The following RIPOR2 variants were observed in gnomAD, a reference collection of about 807,000 sequenced individuals.
RIPOR2 encodes rho family-interacting cell polarization regulator 2.
Under a neutral mutation model 114.5 loss-of-function variants are expected in RIPOR2, and 39 were observed. The ratio of observed to expected loss-of-function variants is 0.34; its 90% CI spans 0.26 to 0.44. The LOEUF is 0.44. Among genes scored for constraint, RIPOR2 ranks in the 20% least tolerant of loss-of-function variants. The pLI, the probability that RIPOR2 is intolerant of heterozygous loss-of-function variation, is 1.00. For synonymous variants in RIPOR2, 445 were observed against 484.4 expected (o/e 0.92, Z 1.07); for missense variants, 1,007 against 1,255.1 (o/e 0.80, Z 2.99).
intron 1 of RIPOR2, chr6:24,877,463 AG>A (rs1765913861): frequency 6.5e-6 from 3 of 458,700 alleles, no homozygotes. Flanking sequence ...CTTACATTTT[AG>A]GGCATTCTCC....
rs1762462189 is a variant in RIPOR2, at chr6:24,847,743, A to G, written c.1164+282T>C. ...AGTTAGTGGGAAGAATCAGGTTACT[A>G]CATTTTGTTAGCTTTTTAGCAAGCA... On this transcript the variant is annotated intron_variant, in intron 12 of 21. Transcript: ENST00000643898. 5 of 1,500,066 alleles carry G rather than the reference A, an allele frequency of 3.3e-6. No homozygotes were observed. In the Admixed American group the frequency reaches 1.1e-4, roughly 33 times the overall value. 92.9% of individuals were successfully genotyped at this position (1,500,066 alleles called of 1,614,324 possible). A position where few individuals can be genotyped will look rare whatever the true frequency, so the allele number is the denominator to read the frequency against.
Position 24,805,344 on chromosome 6 carries a change from T to C in RIPOR2, c.*1029A>G, listed in dbSNP as rs372864182. 3.9e-5 allele frequency: 6 copies of C among 151,904 alleles called. No individual in the cohort carries two copies. Among genetic ancestry groups the C allele is most frequent in the African/African-American group, 1.5e-4 (6 of 41,358 alleles). 9.4% of individuals were successfully genotyped at this position (151,904 alleles called of 1,614,324 possible). ...CATTTTTCCATAATGGAAACATGATTTGGGAATTTTCAGGATGGGGAAAAG... is the reference window on the plus strand; with the variant it reads ...CATTTTTCCATAATGGAAACATGATCTGGGAATTTTCAGGATGGGGAAAAG... On this transcript the variant is annotated 3_prime_UTR_variant, in exon 22 of 22. Transcript: ENST00000643898.
chr6:24,943,036 G>A (rs1297241448), intron 1 of RIPOR2, among the ~76,000 whole-genome samples: 1 of 152,140 alleles, frequency 6.6e-6, no homozygotes, highest in Non-Finnish European at 1.5e-5. Context: ...AAAGACACAT[G>A]CACACATATG....
chr6:24,915,622 C>G (rs1475887190), intron 1 of RIPOR2, among the ~76,000 whole-genome samples: 2 of 152,206 alleles, frequency 1.3e-5, no homozygotes, highest in Admixed American at 6.5e-5. Flanking sequence ...CTCGGCCTCC[C>G]GAAGTGCTAG....
chr6:25,035,779 G>T (rs1346016639), intron 1 of RIPOR2, among the ~76,000 whole-genome samples: 9 of 152,162 alleles, frequency 5.9e-5, no homozygotes, highest in Admixed American at 5.9e-4. Context: ...CTGCAGAGTG[G>T]GTAGCCTTGT....
At chr6:24,905,357 C>G (rs1768872479) in intron 1 of RIPOR2, among the ~76,000 whole-genome samples, 1 of 151,808 alleles carries the variant, frequency 6.6e-6, no homozygotes, top group African/African-American at 2.4e-5. Context: ...TTTTTCTAAG[C>G]TCCACTTATT....
Position 24,870,854 on chromosome 6 carries a change from A to T in RIPOR2, c.447+12T>A. The T allele has an allele frequency of 6.2e-7, 1 of 1,602,782 alleles. No homozygotes were observed. The highest frequency in any genetic ancestry group is 8.5e-7 in the Non-Finnish European group (1 of 1,173,288). On this transcript the variant is annotated intron_variant, in intron 5 of 21. Coordinates refer to ENST00000643898, the MANE Select transcript of RIPOR2 (RefSeq NM_001286445.3). ...TTTCTTATTAGCACCCCAACACGGA[A>T]TGGCAACTTACCTTGTCTAGGTCAT... is the stretch of plus-strand genomic sequence containing the variant.
At chr6:24,870,786 T>C in intron 5 of RIPOR2, 80 bp downstream of exon 5, 1 of 1,025,800 alleles carries the variant, frequency 9.7e-7, no homozygotes, top group East Asian at 2.5e-5. Flanking sequence ...AGTGCTGGGA[T>C]GACAGGCGTG....
At chr6:25,020,952 G>A (rs1395921000) in intron 1 of RIPOR2, among the ~76,000 whole-genome samples, 2 of 152,062 alleles carry the variant, frequency 1.3e-5, no homozygotes, top group Non-Finnish European at 2.9e-5. Context: ...CGTCTTCTGG[G>A]TTCAAATGAT....
intron 8 of RIPOR2, among the ~76,000 whole-genome samples, chr6:24,854,594 C>T (rs1158414163): frequency 6.6e-6 from 1 of 152,146 alleles, no homozygotes; most frequent in Non-Finnish European, 1.5e-5. Flanking sequence ...CAAAGCAAAG[C>T]ACTTTACATT....
chr6:25,014,508 A>G (rs942621867), intron 1 of RIPOR2, among the ~76,000 whole-genome samples: 2 of 152,238 alleles, frequency 1.3e-5, no homozygotes, highest in Non-Finnish European at 2.9e-5. Flanking sequence ...AAGATTGCAC[A>G]TGATTCTGGA....
intron 1 of RIPOR2, among the ~76,000 whole-genome samples, chr6:24,935,555 G>A (rs1771746591): frequency 6.6e-6 from 1 of 152,014 alleles, no homozygotes; most frequent in Non-Finnish European, 1.5e-5. Context: ...GAGAGACAAG[G>A]CAAAAAATTT....
chr6:24,831,923 G>T (rs1293800586), intron 16 of RIPOR2, among the ~76,000 whole-genome samples: 1 of 152,134 alleles, frequency 6.6e-6, no homozygotes. Context: ...CACCTCCAGG[G>T]TGCAAGAGCA....
chr6:24,825,623 A>G (rs1295095589), intron 18 of RIPOR2, among the ~76,000 whole-genome samples, 195 bp from the exon 19 acceptor site: 2 of 152,258 alleles, frequency 1.3e-5, no homozygotes, highest in African/African-American at 2.4e-5. Context: ...ACTACATTAT[A>G]GTGATGGGCA....
At chr6:24,865,184 C>T (rs953738972) in intron 7 of RIPOR2, 117 bp downstream of exon 7, 53 of 813,058 alleles carry the variant, frequency 6.5e-5, no homozygotes, top group Admixed American at 1.4e-4. Context: ...TAAAACCTAT[C>T]TTTCTAGAGG....
chr6:25,007,753 C>T (rs1418119730), intron 1 of RIPOR2, among the ~76,000 whole-genome samples: 1 of 151,986 alleles, frequency 6.6e-6, no homozygotes, highest in Non-Finnish European at 1.5e-5. Flanking sequence ...AATAACTCCA[C>T]ATTTACATCC....
rs1248174698 is a variant in RIPOR2 at position 24,835,884 on chromosome 6, G to T, written c.2040-13C>A. 6.4e-7 allele frequency: 1 copy of T among 1,550,964 alleles called. No homozygotes were observed. The highest frequency in any genetic ancestry group is 1.4e-5 in the African/African-American group (1 of 73,098). On this transcript the variant is annotated splice_polypyrimidine_tract_variant and intron_variant, in intron 14 of 21. Transcript: ENST00000643898. ...AACCGACCTGTAACTATTGAAGGTG[G>T]GCAAAACATTAGCTATTCTTTTTCT...
At chr6:24,887,300 A>T (rs1475409167) in intron 1 of RIPOR2, among the ~76,000 whole-genome samples, 1 of 151,320 alleles carries the variant, frequency 6.6e-6, no homozygotes. Flanking sequence ...TGCTCGGTAC[A>T]GGGTAAGATA....
In RIPOR2 at chr6:24,828,205, T is replaced by C; in HGVS notation, c.2597A>G (p.Tyr866Cys). 6.4e-7 allele frequency: 1 copy of C among 1,551,382 alleles called. No individual in the cohort carries two copies. Among genetic ancestry groups the C allele is most frequent in the Non-Finnish European group, 8.7e-7 (1 of 1,146,820 alleles). Residue 866 changes from tyrosine to cysteine, a missense_variant, in exon 18 of 22, where the codon TAT (tyrosine) becomes TGT (cysteine). Physicochemically the swap from Tyr to Cys is radical, Grantham distance 194. Transcript: ENST00000643898. Reference protein sequence around the residue: ...LSSEVVTVFQYYSYFTSHGVS... With the variant: ...LSSEVVTVFQCYSYFTSHGVS... ...GCCGTGGCTGGTGAAGTAACTGTAA[T>C]ACTGGAAAACAGTGACGACTTCCGA...
Sources: allele counts gnomAD v4.1 joint callset (sites outside exome capture counted in the v4.1 genomes callset), GRCh38; gene constraint gnomAD v4.1.1; transcripts MANE v1.5; gene names NCBI Gene and HGNC (gene_info 2026-07-23, HGNC 2026-07-21).